The following RNF31 variants were observed in gnomAD, a reference collection of about 807,000 sequenced individuals.
RNF31 encodes E3 ubiquitin-protein ligase RNF31.
In RNF31, 38 loss-of-function variants were observed where a neutral mutation model predicts 133.6. The ratio of observed to expected loss-of-function variants is 0.28; its 90% CI spans 0.22 to 0.37. The LOEUF (loss-of-function observed/expected upper bound fraction) is 0.37, where lower values mean the gene tolerates loss of function less well. Among genes scored for constraint, RNF31 ranks in the 10% least tolerant of loss-of-function variants. The pLI, the probability that RNF31 is intolerant of heterozygous loss-of-function variation, is 1.00. For synonymous variants in RNF31, 582 were observed against 552.3 expected (o/e 1.05, Z -0.75); for missense variants, 1,118 against 1,394.1 (o/e 0.80, Z 3.15).
Position 24,155,815 on chromosome 14 carries a change from C to A in RNF31, c.2493+123C>A. 1.3e-6 allele frequency: 1 copy of A among 767,834 alleles called. No homozygotes were observed. The highest frequency in any genetic ancestry group is 2.2e-6 in the Non-Finnish European group (1 of 454,868). The allele number at this position is 767,834 out of a possible 1,614,324, so 47.6% of individuals were successfully genotyped here. A position where few individuals can be genotyped will look rare whatever the true frequency, so the allele number is the denominator to read the frequency against. ...TGAGCTCTGAGGTCAAAAGAGCTTA[C>A]AGACTACTCAGAAAGACTAGGCACA... On this transcript the variant is annotated intron_variant, in intron 14 of 20. Coordinates refer to ENST00000324103, the MANE Select transcript of RNF31 (RefSeq NM_017999.5). This position sits in a 1 kb window ranked among gnomAD's most constrained non-coding sequence, Gnocchi z 4.9.
At chr14:24,154,500 A>G (rs915555836) in intron 11 of RNF31, among the ~76,000 whole-genome samples, 2 of 151,968 alleles carry the variant, frequency 1.3e-5, no homozygotes, top group East Asian at 3.9e-4. Context: ...CTGGTCTCGA[A>G]CTCCTAGCCT....
rs745991457 is a variant in RNF31, at chr14:24,155,526, C to T, written c.2403+14C>T. ...TGGTGTGCCCAGGTAAGTGGCCTGC[C>T]CAGGGCAGCTACTGTGGAGGGGCAG... On this transcript the variant is annotated intron_variant, in intron 13 of 20. Transcript: ENST00000324103. The surrounding 1 kb of genome is among the most constrained non-coding windows in gnomAD (Gnocchi z 4.9). The T allele has an allele frequency of 1.9e-6, 3 of 1,613,906 alleles. No homozygotes were observed. The highest frequency in any genetic ancestry group is 2.5e-6 in the Non-Finnish European group (3 of 1,179,882).
chr14:24,157,851 A>G, intron 16 of RNF31, 47 bp from the exon 17 acceptor site: 2 of 1,527,292 alleles, frequency 1.3e-6, no homozygotes, highest in South Asian at 2.3e-5. Context: ...AGAGGCCAGG[A>G]CCCCAACAGT....
At position 24,151,300 on chromosome 14, in the gene RNF31, A is replaced by G; in HGVS notation, c.1658A>G (p.Glu553Gly). ...GGGCTGGGTGCCTTTTCCTGTCAGG[A>G]GGCCCGGAGAGCCTGGCTGGATCGT... ...DPGLGAFSCQ[E>G]ARRAWLDRHG... is the part of the protein sequence containing the mutation. The change falls in exon 9 of 21, where the codon GAG becomes GGG. Residue 553 changes from glutamate (E) to glycine (G), a missense_variant. Glu to Gly is a moderately conservative substitution (Grantham distance 98). This residue lies in a region of RNF31 where 747 missense variants were observed against 827.9 expected (regional missense o/e 0.90). Transcript: ENST00000324103. This position sits in a 1 kb window ranked among gnomAD's most constrained non-coding sequence, Gnocchi z 5.3. 1 of 1,614,188 alleles carries G rather than the reference A, an allele frequency of 6.2e-7. No individual in the cohort carries two copies.
chr14:24,151,710 G>A lies in RNF31; in HGVS notation c.1923+40G>A. 6.2e-7 allele frequency: 1 copy of A among 1,603,648 alleles called. No homozygotes were observed. Among genetic ancestry groups the A allele is most frequent in the Non-Finnish European group, 8.5e-7 (1 of 1,176,034 alleles). On this transcript the variant is annotated intron_variant, in intron 10 of 20. Coordinates refer to ENST00000324103, the MANE Select transcript of RNF31 (RefSeq NM_017999.5). This position sits in a 1 kb window ranked among gnomAD's most constrained non-coding sequence, Gnocchi z 5.3. ...CAAGAAGCCCAAGGGTCCACCTAGA[G>A]GAGCAAGAGGGAGCTGAGGGGAAGG... is the stretch of plus-strand genomic sequence containing the variant.
chr14:24,150,597 G>C lies in RNF31; in HGVS notation c.1198-1G>C, dbSNP rs754536846. Reference sequence around the variant, plus strand: ...AGGGATAATTCTCTCTGCCTTCCCAGCAGGGGGATGCTTTGCTGGCCTCTG... The same window carrying C: ...AGGGATAATTCTCTCTGCCTTCCCACCAGGGGGATGCTTTGCTGGCCTCTG... On this transcript the variant is annotated splice_acceptor_variant, in intron 7 of 20. Transcript: ENST00000324103. LOFTEE classifies it high-confidence loss of function. 2 of 1,605,526 alleles carry C rather than the reference G, an allele frequency of 1.2e-6. No individual in the cohort carries two copies. The highest frequency in any genetic ancestry group is 2.7e-5 in the African/African-American group (2 of 74,788).
chr14:24,159,659 G>T, intron 18 of RNF31: 6 of 341,418 alleles, frequency 1.8e-5, no homozygotes, highest in East Asian at 4.1e-5. Context: ...TTGGATAAAA[G>T]TAGGGACAAG....
At chr14:24,159,366 A>C (rs1467617337) in intron 18 of RNF31, among the ~76,000 whole-genome samples, 46 of 150,706 alleles carry the variant, frequency 3.1e-4, no homozygotes, top group East Asian at 1.9e-4. Flanking sequence ...AAAAAAAAAA[A>C]AAAAAACCAG....
At chr14:24,159,784 C>T (rs939128673) in intron 18 of RNF31, 80 bp from the exon 19 acceptor site, 3 of 1,154,126 alleles carry the variant, frequency 2.6e-6, no homozygotes, top group African/African-American at 3.0e-5. Flanking sequence ...GCTGCCTTCC[C>T]TGCCTTGTGG....
At position 24,151,418 on chromosome 14, in the gene RNF31, T is replaced by C. The variant is rs897606832; in HGVS notation, c.1737+39T>C. 4 of 1,613,178 alleles carry C rather than the reference T, an allele frequency of 2.5e-6. No individual in the cohort carries two copies. The African/African-American group carries it at 4.0e-5, about 16-fold the overall frequency. On this transcript the variant is annotated intron_variant, in intron 9 of 20. Coordinates refer to ENST00000324103, the MANE Select transcript of RNF31 (RefSeq NM_017999.5). This position sits in a 1 kb window ranked among gnomAD's most constrained non-coding sequence, Gnocchi z 5.3. ...TGGATATGGGATAGGGTCGAGAGTC[T>C]GCATCTCTCACACTCTCCCTTGCTT...
chr14:24,154,842 T>C (rs547556075), intron 11 of RNF31: 3 of 382,268 alleles, frequency 7.8e-6, no homozygotes, highest in South Asian at 6.2e-5. Flanking sequence ...TCTAGTCACC[T>C]GGCAACCATG....
At chr14:24,147,412 GC>G (rs2038183186), upstream of RNF31, 1 of 308,408 alleles carries the variant, frequency 3.2e-6, no homozygotes, top group Non-Finnish European at 5.9e-6. Flanking sequence ...TCTTGGCCGC[GC>G]CCCCTGGTTT....
chr14:24,160,173 C>A lies in RNF31; in HGVS notation c.2997-66C>A. Reference sequence around the variant, plus strand: ...TTCGTCCAGGTGTCTCAGAGTCCAGCTATGTTAGACACACTCAGTTAATAT... The same window carrying A: ...TTCGTCCAGGTGTCTCAGAGTCCAGATATGTTAGACACACTCAGTTAATAT... On this transcript the variant is annotated intron_variant, in intron 19 of 20. Coordinates refer to ENST00000324103, the MANE Select transcript of RNF31 (RefSeq NM_017999.5). This position sits in a 1 kb window ranked among gnomAD's most constrained non-coding sequence, Gnocchi z 4.0. 1 of 1,537,208 alleles carries A rather than the reference C, an allele frequency of 6.5e-7. No homozygotes were observed. Among genetic ancestry groups the A allele is most frequent in the Non-Finnish European group, 8.8e-7 (1 of 1,133,462 alleles).
At position 24,155,475 on chromosome 14, in the gene RNF31, T is replaced by G; in HGVS notation, c.2366T>G (p.Val789Gly). ...ALFHKKLTEG[V>G]LMRDPKFLWC... ...TTCCATAAGAAGCTGACCGAGGGTGTGCTGATGCGGGACCCCAAGTTCTTG... is the reference window on the plus strand; with the variant it reads ...TTCCATAAGAAGCTGACCGAGGGTGGGCTGATGCGGGACCCCAAGTTCTTG... The change falls in exon 13 of 21, where the codon GTG (valine) becomes GGG (glycine). Residue 789 changes from valine to glycine, a missense_variant. By Grantham distance (109) the Val-to-Gly change is moderately radical. Transcript: ENST00000324103. This position sits in a 1 kb window ranked among gnomAD's most constrained non-coding sequence, Gnocchi z 4.9. 1 of 1,614,162 alleles carries G rather than the reference T, an allele frequency of 6.2e-7. No homozygotes were observed. Among genetic ancestry groups the G allele is most frequent in the Non-Finnish European group, 8.5e-7 (1 of 1,180,036 alleles).
chr14:24,155,046 C>A lies in RNF31; in HGVS notation c.2131-111C>A. ...CTGGCACTTGAGGTTGTTAACCCTG[C>A]CCAGTTGTTAATTAGACCCTGATTT... On this transcript the variant is annotated intron_variant, in intron 11 of 20. Transcript: ENST00000324103. The surrounding 1 kb of genome is among the most constrained non-coding windows in gnomAD (Gnocchi z 4.9). The A allele has an allele frequency of 9.5e-7, 1 of 1,049,452 alleles. No individual in the cohort carries two copies. The highest frequency in any genetic ancestry group is 1.4e-6 in the Non-Finnish European group (1 of 716,502). The allele number at this position is 1,049,452 out of a possible 1,614,324, so 65.0% of individuals were successfully genotyped here.
Position 24,150,855 on chromosome 14 carries a change from GGAA to G in RNF31, c.1460_1462del (p.Glu487del). On this transcript the variant is annotated inframe_deletion, in exon 8 of 21. Coordinates refer to ENST00000324103, the MANE Select transcript of RNF31 (RefSeq NM_017999.5). ...AGAAGCAGCGCCAAGACAAGATGCG[GGAA>G]GAAGGCCTCCAGCTAGTGAGCATGA... The G allele has an allele frequency of 6.4e-7, 1 of 1,567,358 alleles. No individual in the cohort carries two copies. The highest frequency in any genetic ancestry group is 1.7e-4 in the Middle Eastern group (1 of 5,816).
intron 18 of RNF31, 73 bp from the exon 19 acceptor site, chr14:24,159,791 G>A (rs895028131): frequency 2.4e-6 from 3 of 1,224,752 alleles, no homozygotes; most frequent in African/African-American, 3.0e-5. Context: ...TCCCTGCCTT[G>A]TGGATATCCC....
At chr14:24,158,105 A>G (rs1296288577) in intron 17 of RNF31, 37 bp from the exon 18 acceptor site, 2 of 1,613,328 alleles carry the variant, frequency 1.2e-6, no homozygotes, top group Non-Finnish European at 1.7e-6. Context: ...ACTTGGCATC[A>G]AGGGGAATGT....
intron 2 of RNF31, 67 bp downstream of exon 2, chr14:24,148,189 A>T (rs1428859625): frequency 6.2e-7 from 1 of 1,612,872 alleles, no homozygotes; most frequent in African/African-American, 1.3e-5. Flanking sequence ...GGTTGTGCTG[A>T]ATGGGAAGGG....
Sources: allele counts gnomAD v4.1 joint callset (sites outside exome capture counted in the v4.1 genomes callset), GRCh38; gene constraint gnomAD v4.1.1; regional missense constraint gnomAD v4.1.1; non-coding constraint Gnocchi (gnomAD v3.1); transcripts MANE v1.5; gene names NCBI Gene and HGNC (gene_info 2026-07-23, HGNC 2026-07-21).